Variants in ZNF579 observed in about 807,000 individuals in gnomAD.
ZNF579 encodes zinc finger protein 579.
ZNF579 carries 3 observed loss-of-function variants against 5.7 expected under a neutral mutation model. That is an observed-to-expected ratio of 0.53 (90% CI 0.24 to 1.36). The LOEUF is 1.36. Among genes scored for constraint, ZNF579 ranks in the 40% most tolerant of loss-of-function variants. The pLI, the probability that ZNF579 is intolerant of heterozygous loss-of-function variation, is 0.16. For synonymous variants in ZNF579, 454 were observed against 409.0 expected, an observed-to-expected ratio of 1.11 and a Z score of -1.33; for missense variants, 679 against 877.6, an observed-to-expected ratio of 0.77 and a Z score of 2.86.
In ZNF579 at chr19:55,578,027, T is replaced by G. The variant is rs1436995290; in HGVS notation, c.1613A>C (p.His538Pro). The G allele has an allele frequency of 1.3e-6, 2 of 1,596,514 alleles. No individual in the cohort carries two copies. The highest frequency in any genetic ancestry group is 1.7e-6 in the Non-Finnish European group (2 of 1,172,042). The stretch of plus-strand genomic sequence containing the variant: ...TTCCTCCTCCATCTCGAAGGCTGAG[T>G]GGTCTTGGCTGTCGAAACAGGAGGC... ...LSASCFDSQD[H>P]SAFEMEEEEV... The change falls in exon 2 of 2, where the codon CAC (histidine) becomes CCC (proline). Residue 538 changes from histidine to proline, a missense_variant. His to Pro is a moderately conservative substitution (Grantham distance 77). Coordinates refer to ENST00000325421, the MANE Select transcript of ZNF579 (RefSeq NM_152600.3).
rs1454496824 is a variant in ZNF579, at chr19:55,577,051, T to G, written c.*900A>C. 2 of 152,012 alleles carry G rather than the reference T, an allele frequency of 1.3e-5. No individual in the cohort carries two copies. The highest frequency in any genetic ancestry group is 2.4e-5 in the African/African-American group (1 of 41,344). The allele number at this position is 152,012 out of a possible 1,614,324, so 9.4% of individuals were successfully genotyped here. On this transcript the variant is annotated 3_prime_UTR_variant, in exon 2 of 2. Transcript: ENST00000325421. ...TTGCTTGGGTCTGGGAGTTTGAGAC[T>G]GCAGTGAGCTATGACTGCACCACGG... is the stretch of plus-strand genomic sequence containing the variant.
rs1197823149 is a variant in ZNF579 at position 55,577,258 on chromosome 19, T to C, written c.*693A>G. 6.5e-6 allele frequency: 1 copy of C among 153,954 alleles called. No individual in the cohort carries two copies. The highest frequency in any genetic ancestry group is 1.4e-5 in the Non-Finnish European group (1 of 69,194). The allele number at this position is 153,954 out of a possible 1,614,324, so 9.5% of individuals were successfully genotyped here. A position where few individuals can be genotyped will look rare whatever the true frequency, so the allele number is the denominator to read the frequency against. ...GAGTAAGGGTGTGGTAGAGATTGACTGAGTAAGGCGCGGAGCTTCCACAGG... is the reference window on the plus strand; with the variant it reads ...GAGTAAGGGTGTGGTAGAGATTGACCGAGTAAGGCGCGGAGCTTCCACAGG... On this transcript the variant is annotated 3_prime_UTR_variant, in exon 2 of 2. Transcript: ENST00000325421.
Position 55,579,238 on chromosome 19 carries a change from C to A in ZNF579, c.402G>T (p.Arg134Ser). 2 of 1,521,648 alleles carry A rather than the reference C, an allele frequency of 1.3e-6. No individual in the cohort carries two copies. The highest frequency in any genetic ancestry group is 1.8e-6 in the Non-Finnish European group (2 of 1,140,096). 94.3% of individuals were successfully genotyped at this position (1,521,648 alleles called of 1,614,324 possible). A position where few individuals can be genotyped will look rare whatever the true frequency, so the allele number is the denominator to read the frequency against. ...AGGEVELAIE[R>S]VAKETAEPSW... ...TGGGTTCGGCCGTCTCCTTGGCCAC[C>A]CTCTCGATGGCCAGCTCGACCTCGC... Residue 134 changes from arginine (R) to serine (S), a missense_variant, in exon 2 of 2, where the codon AGG becomes AGT. By Grantham distance (110) the Arg-to-Ser change is moderately radical. Around this residue, in one of 6 missense-constraint regions of ZNF579, gnomAD observed 209 missense variants for 223.4 expected, o/e 0.94. Coordinates refer to ENST00000325421, the MANE Select transcript of ZNF579 (RefSeq NM_152600.3).
chr19:55,579,649 G>T lies in ZNF579; in HGVS notation c.-2-8C>A. 1 of 1,433,652 alleles carries T rather than the reference G, an allele frequency of 7.0e-7. No homozygotes were observed. The highest frequency in any genetic ancestry group is 1.5e-5 in the African/African-American group (1 of 66,326). 88.8% of individuals were successfully genotyped at this position (1,433,652 alleles called of 1,614,324 possible). A position where few individuals can be genotyped will look rare whatever the true frequency, so the allele number is the denominator to read the frequency against. On this transcript the variant is annotated splice_region_variant and splice_polypyrimidine_tract_variant and intron_variant, in intron 1 of 1. Coordinates refer to ENST00000325421, the MANE Select transcript of ZNF579 (RefSeq NM_152600.3). ...GAGGCTGCGGATCCATGCCTGTGGG[G>T]AGAGAGGGGAGAGATGGGAAGCGGG... is the stretch of plus-strand genomic sequence containing the variant.
Position 55,579,344 on chromosome 19 carries a change from G to A in ZNF579, c.296C>T (p.Pro99Leu). Residue 99 changes from proline to leucine, a missense_variant, in exon 2 of 2, where the codon CCG becomes CTG. By Grantham distance (98) the Pro-to-Leu change is moderately conservative. This residue lies in a region of ZNF579 where 134 missense variants were observed against 208.9 expected (regional missense o/e 0.64). Coordinates refer to ENST00000325421, the MANE Select transcript of ZNF579 (RefSeq NM_152600.3). ...RHLRGHGPQP[P>L]LRCAACPRTF... ...GCGGGGGCAGGCGGCGCAGCGCAGC[G>A]GGGGCTGGGGCCCGTGGCCGCGCAG... The A allele has an allele frequency of 7.3e-7, 1 of 1,375,932 alleles. No homozygotes were observed. 85.2% of individuals were successfully genotyped at this position (1,375,932 alleles called of 1,614,324 possible).
Position 55,578,281 on chromosome 19 carries a change from G to A in ZNF579, c.1359C>T (p.Ala453=), listed in dbSNP as rs1979463583. ...CPRCPRRFSR[A]YSLLRHQRCH... ...AGCGCTGGTGGCGCAGGAGGCTGTA[G>A]GCGCGCGAGAAGCGGCGCGGGCAGC... is the stretch of plus-strand genomic sequence containing the variant. Residue 453 remains alanine (A), a synonymous_variant, in exon 2 of 2, where the codon GCC becomes GCT. Coordinates refer to ENST00000325421, the MANE Select transcript of ZNF579 (RefSeq NM_152600.3). The A allele has an allele frequency of 7.6e-7, 1 of 1,313,710 alleles. No homozygotes were observed. The highest frequency in any genetic ancestry group is 4.2e-5 in the Admixed American group (1 of 23,764). The allele number at this position is 1,313,710 out of a possible 1,614,324, so 81.4% of individuals were successfully genotyped here.
Position 55,578,300 on chromosome 19 carries a change from G to A in ZNF579, c.1340C>T (p.Pro447Leu). The change falls in exon 2 of 2, where the codon CCG (proline) becomes CTG (leucine). Residue 447 changes from proline to leucine, a missense_variant. Coordinates refer to ENST00000325421, the MANE Select transcript of ZNF579 (RefSeq NM_152600.3). ...GPAPHPCPRC[P>L]RRFSRAYSLL... ...GCTGTAGGCGCGCGAGAAGCGGCGC[G>A]GGCAGCGGGGGCACGGGTGCGGGGC... 1 of 1,290,096 alleles carries A rather than the reference G, an allele frequency of 7.8e-7. No homozygotes were observed. The highest frequency in any genetic ancestry group is 9.8e-7 in the Non-Finnish European group (1 of 1,022,228). The allele number at this position is 1,290,096 out of a possible 1,614,324, so 79.9% of individuals were successfully genotyped here.
In ZNF579 at chr19:55,578,711, G is replaced by A; in HGVS notation, c.929C>T (p.Ala310Val). ...CPDCGLAFRL[A>V]SYLRQHRRVH... ...GCGGCGGTGCTGGCGGAGGTAGGAG[G>A]CGAGGCGGAAGGCCAGGCCGCAGTC... is the stretch of plus-strand genomic sequence containing the variant. Residue 310 changes from alanine to valine, a missense_variant, in exon 2 of 2, where the codon GCC becomes GTC. Around this residue, in one of 6 missense-constraint regions of ZNF579, gnomAD observed 38 missense variants for 70.3 expected, o/e 0.54. Transcript: ENST00000325421. 1 of 1,586,274 alleles carries A rather than the reference G, an allele frequency of 6.3e-7. No homozygotes were observed. The highest frequency in any genetic ancestry group is 8.5e-7 in the Non-Finnish European group (1 of 1,170,158).
rs1599966451 is a variant in ZNF579, at chr19:55,577,218, A to T, written c.*733T>A. The stretch of plus-strand genomic sequence containing the variant: ...ATTGGACTCCTCCTCAGTGCCTAGT[A>T]CCACCGCTGACACAGAGTAAGGGTG... On this transcript the variant is annotated 3_prime_UTR_variant, in exon 2 of 2. Coordinates refer to ENST00000325421, the MANE Select transcript of ZNF579 (RefSeq NM_152600.3). 6.6e-6 allele frequency: 1 copy of T among 152,550 alleles called. No homozygotes were observed. The highest frequency in any genetic ancestry group is 2.1e-4 in the South Asian group (1 of 4,826). 9.4% of individuals were successfully genotyped at this position (152,550 alleles called of 1,614,324 possible).
chr19:55,577,953 A>G lies in ZNF579; in HGVS notation c.1687T>C (p.Ter563ArgextTer23). ...GGCGGAGGGCAGGGCGGCGAAGGTC[A>G]GGAGGCCAGGCCCCCCAGCCCGCGC... is the stretch of plus-strand genomic sequence containing the variant. ...HLRGLGGLAS* is the reference protein window; with the variant it reads ...HLRGLGGLASR The change falls in exon 2 of 2, where the codon TGA becomes CGA. Residue 563 changes from the stop codon to arginine (R), a stop_lost. Coordinates refer to ENST00000325421, the MANE Select transcript of ZNF579 (RefSeq NM_152600.3). 1 of 1,588,652 alleles carries G rather than the reference A, an allele frequency of 6.3e-7. No individual in the cohort carries two copies. Among genetic ancestry groups the G allele is most frequent in the Non-Finnish European group, 8.6e-7 (1 of 1,167,920 alleles).
At position 55,579,263 on chromosome 19, in the gene ZNF579, C is replaced by G; in HGVS notation, c.377G>C (p.Gly126Ala). The G allele has an allele frequency of 6.6e-7, 1 of 1,517,788 alleles. No individual in the cohort carries two copies. The highest frequency in any genetic ancestry group is 8.8e-7 in the Non-Finnish European group (1 of 1,138,060). 94.0% of individuals were successfully genotyped at this position (1,517,788 alleles called of 1,614,324 possible). A position where few individuals can be genotyped will look rare whatever the true frequency, so the allele number is the denominator to read the frequency against. ...CCTCTCGATGGCCAGCTCGACCTCG[C>G]CGCCCGCGTGCTCCTGAGCCAGGTG... ...RRHLAQEHAG[G>A]EVELAIERVA... Residue 126 changes from glycine (G) to alanine (A), a missense_variant, in exon 2 of 2, where the codon GGC becomes GCC. Gly to Ala is a moderately conservative substitution (Grantham distance 60). Around this residue, in one of 6 missense-constraint regions of ZNF579, gnomAD observed 209 missense variants for 223.4 expected, o/e 0.94. Coordinates refer to ENST00000325421, the MANE Select transcript of ZNF579 (RefSeq NM_152600.3).
Position 55,579,128 on chromosome 19 carries a change from G to A in ZNF579, c.512C>T (p.Pro171Leu), listed in dbSNP as rs1243036381. 4 of 1,525,512 alleles carry A rather than the reference G, an allele frequency of 2.6e-6. No individual in the cohort carries two copies. Among genetic ancestry groups the A allele is most frequent in the Non-Finnish European group, 3.5e-6 (4 of 1,142,278 alleles). The allele number at this position is 1,525,512 out of a possible 1,614,324, so 94.5% of individuals were successfully genotyped here. Residue 171 changes from proline to leucine, a missense_variant, in exon 2 of 2, where the codon CCT (proline) becomes CTT (leucine). Around this residue, in one of 6 missense-constraint regions of ZNF579, gnomAD observed 209 missense variants for 223.4 expected, o/e 0.94. Transcript: ENST00000325421. ...AGGCTCCCCCGCAGGCCACGTCTCA[G>A]GCCACGCTGCGACCGCCTCCTCCTC... is the stretch of plus-strand genomic sequence containing the variant. ...ATEEEAVAAW[P>L]ETWPAGEPST...
chr19:55,579,537 C>G lies in ZNF579; in HGVS notation c.103G>C (p.Gly35Arg), dbSNP rs890372321. 6.9e-7 allele frequency: 1 copy of G among 1,458,812 alleles called. No individual in the cohort carries two copies. Among genetic ancestry groups the G allele is most frequent in the African/African-American group, 1.5e-5 (1 of 66,756 alleles). 90.4% of individuals were successfully genotyped at this position (1,458,812 alleles called of 1,614,324 possible). Reference sequence around the variant, plus strand: ...GGCGCCCTAGGGGCTCCAGCGCCCCCCCTGCCACGGCCACGGCCCCGACCA... The same window carrying G: ...GGCGCCCTAGGGGCTCCAGCGCCCCGCCTGCCACGGCCACGGCCCCGACCA... Reference protein sequence around the residue: ...GRGRGRGRGRGGAGAPRAPLP... With the variant: ...GRGRGRGRGRRGAGAPRAPLP... The change falls in exon 2 of 2, where the codon GGG becomes CGG. Residue 35 changes from glycine to arginine, a missense_variant. Physicochemically the swap from Gly to Arg is moderately radical, Grantham distance 125. Around this residue, in one of 6 missense-constraint regions of ZNF579, gnomAD observed 134 missense variants for 208.9 expected, o/e 0.64. Transcript: ENST00000325421.
chr19:55,577,974 C>T lies in ZNF579; in HGVS notation c.1666G>A (p.Gly556Arg), dbSNP rs1979439906. The T allele has an allele frequency of 3.1e-6, 5 of 1,595,776 alleles. No homozygotes were observed. The South Asian group carries it at 3.4e-5, about 11-fold the overall frequency. The change falls in exon 2 of 2, where the codon GGG becomes AGG. Residue 556 changes from glycine to arginine, a missense_variant. Physicochemically the swap from Gly to Arg is moderately radical, Grantham distance 125. Coordinates refer to ENST00000325421, the MANE Select transcript of ZNF579 (RefSeq NM_152600.3). ...EEVDSKAHLRGLGGLAS is the reference protein window; with the variant it reads ...EEVDSKAHLRRLGGLAS ...GGTCAGGAGGCCAGGCCCCCCAGCCCGCGCAGGTGAGCCTTGCTGTCTACC... is the reference window on the plus strand; with the variant it reads ...GGTCAGGAGGCCAGGCCCCCCAGCCTGCGCAGGTGAGCCTTGCTGTCTACC...
chr19:55,578,480 G>A lies in ZNF579; in HGVS notation c.1160C>T (p.Pro387Leu). The A allele has an allele frequency of 6.9e-7, 1 of 1,439,150 alleles. No individual in the cohort carries two copies. Among genetic ancestry groups the A allele is most frequent in the African/African-American group, 1.5e-5 (1 of 66,396 alleles). The allele number at this position is 1,439,150 out of a possible 1,614,324, so 89.1% of individuals were successfully genotyped here. ...PPAGEPRFWC[P>L]ECGKGFRRRA... is the part of the protein sequence containing the mutation. ...GCGCCTGAAACCTTTGCCGCACTCT[G>A]GGCACCAGAAGCGGGGCTCCCCGGC... Residue 387 changes from proline (P) to leucine (L), a missense_variant, in exon 2 of 2, where the codon CCA becomes CTA. Pro to Leu is a moderately conservative substitution (Grantham distance 98). Coordinates refer to ENST00000325421, the MANE Select transcript of ZNF579 (RefSeq NM_152600.3).
chr19:55,578,001 C>A lies in ZNF579; in HGVS notation c.1639G>T (p.Glu547Ter). 6.2e-7 allele frequency: 1 copy of A among 1,600,608 alleles called. No homozygotes were observed. The change falls in exon 2 of 2, where the codon GAG becomes TAG. Residue 547 changes from glutamate to a stop codon, truncating the protein, a stop_gained. Transcript: ENST00000325421. LOFTEE classifies it high-confidence loss of function. ...CGCAGGTGAGCCTTGCTGTCTACCT[C>A]TTCCTCCTCCATCTCGAAGGCTGAG... ...DHSAFEMEEE[E>*]VDSKAHLRGL...
Position 55,578,343 on chromosome 19 carries a change from C to T in ZNF579, c.1297G>A (p.Val433Met). Residue 433 changes from valine (V) to methionine (M), a missense_variant, in exon 2 of 2, where the codon GTG (valine) becomes ATG (methionine). Coordinates refer to ENST00000325421, the MANE Select transcript of ZNF579 (RefSeq NM_152600.3). The part of the protein sequence containing the change: ...RLADLARHAQ[V>M]HAGGPAPHPC... ...TGCGGGGCTGGGCCCCCCGCGTGCA[C>T]CTGTGCGTGGCGCGCCAGGTCGGCC... 2 of 1,415,874 alleles carry T rather than the reference C, an allele frequency of 1.4e-6. No individual in the cohort carries two copies. Among genetic ancestry groups the T allele is most frequent in the South Asian group, 1.4e-5 (1 of 70,564 alleles). The allele number at this position is 1,415,874 out of a possible 1,614,324, so 87.7% of individuals were successfully genotyped here. A position where few individuals can be genotyped will look rare whatever the true frequency, so the allele number is the denominator to read the frequency against.
At position 55,579,033 on chromosome 19, in the gene ZNF579, C is replaced by A. The variant is rs761440153; in HGVS notation, c.607G>T (p.Ala203Ser). The change falls in exon 2 of 2, where the codon GCA becomes TCA. Residue 203 changes from alanine (A) to serine (S), a missense_variant. This residue lies in a region of ZNF579 where 209 missense variants were observed against 223.4 expected (regional missense o/e 0.94). Transcript: ENST00000325421. ...ESESEEAEAG[A>S]AELRAELALA... is the part of the protein sequence containing the mutation. ...GCCAGCTCGGCCCTCAGCTCTGCTG[C>A]CCCGGCCTCGGCCTCCTCCGACTCC... 2.0e-5 allele frequency: 31 copies of A among 1,529,800 alleles called. No homozygotes were observed. In the Admixed American group the frequency reaches 5.9e-4, roughly 29 times the overall value. 94.8% of individuals were successfully genotyped at this position (1,529,800 alleles called of 1,614,324 possible).
Position 55,578,781 on chromosome 19 carries a change from G to T in ZNF579, c.859C>A (p.Arg287Ser). Reference sequence around the variant, plus strand: ...TCGGTGGAGTGGACCAGCCGGTGGCGCGACAGGGACCAGGGCCTGGCGAAG... The same window carrying T: ...TCGGTGGAGTGGACCAGCCGGTGGCTCGACAGGGACCAGGGCCTGGCGAAG... Reference protein sequence around the residue: ...KAFARPWSLSRHRLVHSTDRP... With the variant: ...KAFARPWSLSSHRLVHSTDRP... The change falls in exon 2 of 2, where the codon CGC (arginine) becomes AGC (serine). Residue 287 changes from arginine to serine, a missense_variant. This residue lies in a region of ZNF579 where 38 missense variants were observed against 70.3 expected (regional missense o/e 0.54). Transcript: ENST00000325421. 1 of 1,602,228 alleles carries T rather than the reference G, an allele frequency of 6.2e-7. No individual in the cohort carries two copies.
Sources: gnomAD v4.1 joint callset for allele counts on GRCh38, gnomAD v4.1.1 for gene constraint, gnomAD v4.1.1 regional missense constraint, MANE v1.5 for transcripts, NCBI Gene and HGNC (gene_info 2026-07-23, HGNC 2026-07-21) for gene names.